Variants in SLC44A5 observed in about 807,000 individuals in gnomAD.
SLC44A5 encodes the protein choline transporter-like protein 5.
A neutral mutation model predicts 101.8 loss-of-function variants in SLC44A5; 57 were observed. The ratio of observed to expected loss-of-function variants is 0.56; its 90% CI spans 0.45 to 0.70. The LOEUF (loss-of-function observed/expected upper bound fraction) is 0.70. SLC44A5 is among the 30% of genes least tolerant of loss of function. The probability of loss-of-function intolerance (pLI) is 0.00; values close to 1 mark genes in which losing one functional copy is unlikely to be tolerated. For missense variants in SLC44A5, 737 were observed against 853.1 expected, an observed-to-expected ratio of 0.86 and a Z score of 1.70; for synonymous variants, 281 against 290.9, an observed-to-expected ratio of 0.97 and a Z score of 0.35.
intron 3 of SLC44A5, among the ~76,000 whole-genome samples, chr1:75,394,095 G>A (rs1193484370): frequency 6.6e-6 from 1 of 152,144 alleles, no homozygotes; most frequent in East Asian, 1.9e-4. Flanking sequence ...CCAACACCCA[G>A]ACTTTAAGTG....
chr1:75,697,636 T>C, the SLC44A5 span, among the ~76,000 whole-genome samples: 1 of 151,808 alleles, frequency 6.6e-6, no homozygotes, highest in Non-Finnish European at 1.5e-5. Context: ...AATACAAAAA[T>C]TAGGGGGAGA....
the SLC44A5 span, among the ~76,000 whole-genome samples, chr1:75,701,435 G>A: frequency 6.6e-6 from 1 of 152,042 alleles, no homozygotes; most frequent in African/African-American, 2.4e-5. Flanking sequence ...ATGCAGAAAA[G>A]GCCTTTGACA....
intron 2 of SLC44A5, among the ~76,000 whole-genome samples, chr1:75,507,572 G>A (rs577137469): frequency 6.6e-6 from 1 of 152,100 alleles, no homozygotes; most frequent in Non-Finnish European, 1.5e-5. Context: ...TATAGAATCA[G>A]TTAGGGAGAA....
intron 22 of SLC44A5, among the ~76,000 whole-genome samples, chr1:75,212,868 C>A (rs1036819700): frequency 6.6e-6 from 1 of 152,116 alleles, no homozygotes; most frequent in Non-Finnish European, 1.5e-5. Context: ...CAGGGCTTCA[C>A]CCAGATCTAC....
At chr1:75,582,593 G>T in intron 1 of SLC44A5, 1 of 364,422 alleles carries the variant, frequency 2.7e-6, no homozygotes, top group Non-Finnish European at 5.0e-6. Flanking sequence ...GAGGACAGAA[G>T]GACTGGTGTG....
intron 6 of SLC44A5, among the ~76,000 whole-genome samples, chr1:75,268,504 G>C (rs1429930923): frequency 6.6e-6 from 1 of 152,048 alleles, no homozygotes. Flanking sequence ...CAGGTAGCTT[G>C]TTCATTTGTT....
At chr1:75,491,660 G>A (rs898690916) in intron 2 of SLC44A5, among the ~76,000 whole-genome samples, 1 of 151,998 alleles carries the variant, frequency 6.6e-6, no homozygotes, top group Non-Finnish European at 1.5e-5. Flanking sequence ...GGGAAAATGT[G>A]TAGGTAAGTG....
Position 75,294,085 on chromosome 1 carries a change from A to C in SLC44A5, c.175+6527T>G, listed in dbSNP as rs191660589. ...AAACAATAGAACTGGAATTTCTAAA[A>C]ATTCTTACTTTTTAATTGGGAGATA... On this transcript the variant is annotated intron_variant, in intron 5 of 23. Coordinates refer to ENST00000370859, the MANE Select transcript of SLC44A5 (RefSeq NM_001130058.2). Among the ~76,000 whole-genome samples the C allele has an allele frequency of 2.4e-3, 361 of 152,328 alleles. 1 individual carries two copies. Among genetic ancestry groups the C allele is most frequent in the African/African-American group, 8.2e-3 (341 of 41,574 alleles).
At chr1:75,529,823 A>G (rs999063229) in intron 2 of SLC44A5, among the ~76,000 whole-genome samples, 6 of 152,160 alleles carry the variant, frequency 3.9e-5, no homozygotes, top group Admixed American at 6.5e-5. Context: ...AATTCAAAAT[A>G]TTCTGCTTGA....
intron 2 of SLC44A5, among the ~76,000 whole-genome samples, chr1:75,506,842 T>C (rs915315045): frequency 1.3e-5 from 2 of 151,920 alleles, no homozygotes; most frequent in Non-Finnish European, 2.9e-5. Context: ...CTGATTGCTC[T>C]GTCTAGGACT....
the SLC44A5 span, among the ~76,000 whole-genome samples, chr1:75,642,243 A>T: frequency 1.1e-4 from 17 of 152,154 alleles, no homozygotes; most frequent in Non-Finnish European, 2.1e-4. Flanking sequence ...TATTATGATG[A>T]CTTTTGGCAA....
the SLC44A5 span, among the ~76,000 whole-genome samples, chr1:75,657,089 C>T: frequency 2.6e-5 from 4 of 152,080 alleles, no homozygotes; most frequent in Admixed American, 1.3e-4. Context: ...GTGTAGGTTG[C>T]AGTGAGCTGA....
At chr1:75,653,273 G>A in the SLC44A5 span, among the ~76,000 whole-genome samples, 2 of 152,156 alleles carry the variant, frequency 1.3e-5, no homozygotes, top group African/African-American at 4.8e-5. Context: ...CCAGAGGTCA[G>A]GAGTGTGAGA....
rs767856091 is a variant in SLC44A5, at chr1:75,222,379, A to G, written c.1067T>C (p.Leu356Pro). Reference sequence around the variant, plus strand: ...GCCTTACTTGCTTCCTTCCTTCAGCAGGATAATGGCGACTCGGATTCGATT... The same window carrying G: ...GCCTTACTTGCTTCCTTCCTTCAGCGGGATAATGGCGACTCGGATTCGATT... ...LRNRIRVAIILLKEGSKAIGY... is the reference protein window; with the variant it reads ...LRNRIRVAIIPLKEGSKAIGY... Residue 356 changes from leucine (L) to proline (P), a missense_variant, in exon 14 of 24, where the codon CTG becomes CCG. Leu to Pro is a moderately conservative substitution (Grantham distance 98). This residue lies in a region of SLC44A5 where 665 missense variants were observed against 764.4 expected (regional missense o/e 0.87). Coordinates refer to ENST00000370859, the MANE Select transcript of SLC44A5 (RefSeq NM_001130058.2). 1 of 1,613,640 alleles carries G rather than the reference A, an allele frequency of 6.2e-7. No homozygotes were observed. Among genetic ancestry groups the G allele is most frequent in the South Asian group, 1.1e-5 (1 of 91,078 alleles).
At chr1:75,327,303 GT>G (rs1416257673) in intron 4 of SLC44A5, among the ~76,000 whole-genome samples, 2 of 152,278 alleles carry the variant, frequency 1.3e-5, no homozygotes, top group East Asian at 3.9e-4. Flanking sequence ...GTAAACTGAT[GT>G]CTATGCTGGT....
the SLC44A5 span, among the ~76,000 whole-genome samples, chr1:75,708,130 C>T: frequency 3.3e-5 from 5 of 151,724 alleles, no homozygotes; most frequent in African/African-American, 1.2e-4. Flanking sequence ...TGTTTATTCT[C>T]AGCTGGGTGC....
chr1:75,679,778 T>A, the SLC44A5 span, among the ~76,000 whole-genome samples: 10 of 151,918 alleles, frequency 6.6e-5, no homozygotes, highest in African/African-American at 2.4e-4. Context: ...ACTTTAAATG[T>A]AAATGGACTA....
rs144198306 is a variant in SLC44A5 at position 75,610,136 on chromosome 1, TACACACACACACAC to T, written c.-70+890_-70+903del. Among the ~76,000 whole-genome samples the T allele has an allele frequency of 2.9e-3, 424 of 144,328 alleles. 2 individuals carry two copies. Among genetic ancestry groups the T allele is most frequent in the African/African-American group, 9.5e-3 (370 of 38,966 alleles). The allele number at this position is 144,328 out of a possible 152,430, so 94.7% of individuals were successfully genotyped here. A position where few individuals can be genotyped will look rare whatever the true frequency, so the allele number is the denominator to read the frequency against. ...CAAGACTTCTATGCAAGTCAAGAAA[TACACACACACACAC>T]ACACACACACACACACACACACACA... On this transcript the variant is annotated intron_variant, in intron 1 of 23. Coordinates refer to ENST00000370859, the MANE Select transcript of SLC44A5 (RefSeq NM_001130058.2).
At chr1:75,284,506 ATGT>A (rs1198372521) in intron 5 of SLC44A5, among the ~76,000 whole-genome samples, 1 of 151,872 alleles carries the variant, frequency 6.6e-6, no homozygotes, top group Non-Finnish European at 1.5e-5. Flanking sequence ...TTTATTATTA[ATGT>A]TGTCTGGTTA....
Sources: allele counts gnomAD v4.1 joint callset (sites outside exome capture counted in the v4.1 genomes callset), GRCh38; gene constraint gnomAD v4.1.1; regional missense constraint gnomAD v4.1.1; transcripts MANE v1.5; gene names NCBI Gene and HGNC (gene_info 2026-07-23, HGNC 2026-07-21).